Variants in ATP8B1 observed in about 807,000 individuals in gnomAD.
The protein encoded by ATP8B1 is ATPase phospholipid transporting 8B1.
In ATP8B1, 80 loss-of-function variants were observed where a neutral mutation model predicts 149.9. The ratio of observed to expected loss-of-function variants is 0.53; its 90% confidence interval spans 0.45 to 0.64. The LOEUF (loss-of-function observed/expected upper bound fraction) is 0.64. ATP8B1 is among the 30% of genes least tolerant of loss of function. The probability of loss-of-function intolerance (pLI) is 0.00; values close to 1 mark genes in which losing one functional copy is unlikely to be tolerated. For synonymous variants in ATP8B1, 536 were observed against 562.8 expected (o/e 0.95, Z 0.67); for missense variants, 1,247 against 1,552.6 (o/e 0.80, Z 3.31).
At chr18:57,719,372 C>T (rs2079614962) in intron 2 of ATP8B1, among the ~76,000 whole-genome samples, 2 of 152,194 alleles carry the variant, frequency 1.3e-5, no homozygotes, top group South Asian at 4.1e-4. Context: ...CTAGGGAGTG[C>T]CAGACAGTGG....
chr18:57,668,295 GA>G, intron 19 of ATP8B1, 133 bp downstream of exon 19: 1 of 1,329,128 alleles, frequency 7.5e-7, no homozygotes, highest in Non-Finnish European at 1.0e-6. Context: ...GGGTTTCTCA[GA>G]AAAAGCATCT....
intron 19 of ATP8B1, 165 bp downstream of exon 19, chr18:57,668,264 A>T: frequency 7.5e-7 from 1 of 1,334,452 alleles, no homozygotes; most frequent in Non-Finnish European, 1.0e-6. Context: ...ATGCAGAAGA[A>T]TGTGCTGGAA....
chr18:57,727,051 G>T (rs2079715958), intron 2 of ATP8B1, among the ~76,000 whole-genome samples: 1 of 152,188 alleles, frequency 6.6e-6, no homozygotes, highest in African/African-American at 2.4e-5. Context: ...CTTCACTCCA[G>T]CCTGGGCAAC....
chr18:57,696,435 G>A (rs969088563), intron 8 of ATP8B1, among the ~76,000 whole-genome samples: 7 of 152,026 alleles, frequency 4.6e-5, no homozygotes, highest in African/African-American at 1.7e-4. Context: ...TAAAGAGAAT[G>A]CAGTGTCTTT....
At chr18:57,661,676 T>TATATACACACAC (rs1555688751) in intron 21 of ATP8B1, among the ~76,000 whole-genome samples, 16 of 104,612 alleles carry the variant, frequency 1.5e-4, no homozygotes, top group Admixed American at 2.4e-4. Context: ...TGTATGTATA[T>TATATACACACAC]ACACACACAC....
chr18:57,751,483 T>C (rs917643497), intron 1 of ATP8B1, among the ~76,000 whole-genome samples: 1 of 151,336 alleles, frequency 6.6e-6, no homozygotes, highest in Non-Finnish European at 1.5e-5. Context: ...TTTATTTTGC[T>C]GTCTGGACCA....
intron 1 of ATP8B1, among the ~76,000 whole-genome samples, chr18:57,744,772 T>C (rs912740316): frequency 1.3e-5 from 2 of 152,230 alleles, no homozygotes; most frequent in African/African-American, 2.4e-5. Flanking sequence ...TTAATTTTAA[T>C]GTTAGAAGAG....
At chr18:57,734,374 G>C (rs367748810) in intron 1 of ATP8B1, among the ~76,000 whole-genome samples, 10 of 152,218 alleles carry the variant, frequency 6.6e-5, no homozygotes, top group South Asian at 4.2e-4. Context: ...ATTTTTAGTA[G>C]AGATGGGGTT....
intron 1 of ATP8B1, among the ~76,000 whole-genome samples, chr18:57,778,777 A>G (rs1449276382): frequency 6.6e-6 from 1 of 152,086 alleles, no homozygotes; most frequent in Non-Finnish European, 1.5e-5. Flanking sequence ...AGTAAGTGAG[A>G]GCATGAGAGA....
rs1490202068 is a variant in ATP8B1 at position 57,802,593 on chromosome 18, G to A, written c.-26+405C>T. Among the ~76,000 whole-genome samples, 1 of 152,238 alleles carries A rather than the reference G, an allele frequency of 6.6e-6. No individual in the cohort carries two copies. Among genetic ancestry groups the A allele is most frequent in the African/African-American group, 2.4e-5 (1 of 41,472 alleles). ...CGCCCCAGCAGGACCCGGTCACCGG[G>A]GTCTTCCAGAGGGGCGGTAGCCACC... On this transcript the variant is annotated intron_variant, in intron 1 of 27. Coordinates refer to ENST00000648908, the MANE Select transcript of ATP8B1 (RefSeq NM_001374385.1). The surrounding 1 kb of genome is among the most constrained non-coding windows in gnomAD (Gnocchi z 4.9).
intron 1 of ATP8B1, among the ~76,000 whole-genome samples, chr18:57,766,843 G>C (rs73959349): frequency 0.021 from 3,141 of 152,264 alleles, 111 homozygotes; most frequent in African/African-American, 0.071. Flanking sequence ...CCTGTCCTAG[G>C]AGAGGTCAAG....
In ATP8B1 at chr18:57,661,297, C is replaced by T. The variant is rs774396862; in HGVS notation, c.2584G>A (p.Ala862Thr). Residue 862 changes from alanine (A) to threonine (T), a missense_variant, in exon 22 of 28, where the codon GCA becomes ACA. This residue lies in a region of ATP8B1 where 230 missense variants were observed against 356.6 expected (regional missense o/e 0.65). Transcript: ENST00000648908. ...NFVDLACECSAVICCRVTPKQ... is the reference protein window; with the variant it reads ...NFVDLACECSTVICCRVTPKQ... ...GGGGTGACGCGGCAGCAGATGACTG[C>T]GCTGCACTCGCAGGCCAGGTCCACA... The T allele has an allele frequency of 2.0e-5, 33 of 1,613,848 alleles. No individual in the cohort carries two copies. Among genetic ancestry groups the T allele is most frequent in the Middle Eastern group, 3.3e-4 (2 of 6,084 alleles).
Position 57,782,066 on chromosome 18 carries a change from T to C in ATP8B1, c.-26+20932A>G, listed in dbSNP as rs536743553. On this transcript the variant is annotated intron_variant, in intron 1 of 27. Transcript: ENST00000648908. ...ATATGCTCAGGTTGCAGTGGGAGCT[T>C]GGCAAAACCATACCTAACCCAGCCT... Among the ~76,000 whole-genome samples, 8 of 152,356 alleles carry C rather than the reference T, an allele frequency of 5.3e-5. No individual in the cohort carries two copies. The South Asian group carries it at 1.7e-3, about 32-fold the overall frequency.
intron 1 of ATP8B1, chr18:57,735,691 T>TTTAAATA (rs2079843988): frequency 2.6e-5 from 4 of 152,262 alleles, no homozygotes; most frequent in African/African-American, 9.6e-5. Context: ...TGGTTTATAC[T>TTTAAATA]ATTTTAAAAT....
chr18:57,797,032 GA>G (rs1054583942), intron 1 of ATP8B1, among the ~76,000 whole-genome samples: 1 of 152,116 alleles, frequency 6.6e-6, no homozygotes, highest in Admixed American at 6.5e-5. Flanking sequence ...TAAGTTCCAG[GA>G]AGAGAAAATA....
chr18:57,763,636 A>T (rs1358063930), intron 1 of ATP8B1, among the ~76,000 whole-genome samples: 3 of 151,870 alleles, frequency 2.0e-5, no homozygotes, highest in Non-Finnish European at 4.4e-5. Context: ...TTAATTGACC[A>T]AGTAAGTAAA....
chr18:57,720,762 C>G (rs2079636613), intron 2 of ATP8B1, among the ~76,000 whole-genome samples: 1 of 145,436 alleles, frequency 6.9e-6, no homozygotes, highest in Non-Finnish European at 1.5e-5. Context: ...AAAGATACTC[C>G]TCGAGAAGAG....
chr18:57,765,669 A>T (rs1208994611), intron 1 of ATP8B1, among the ~76,000 whole-genome samples: 9 of 146,926 alleles, frequency 6.1e-5, no homozygotes, highest in Non-Finnish European at 1.2e-4. Flanking sequence ...ACTCTGTCTC[A>T]AAAGAAAAAA....
chr18:57,692,190 T>C (rs566412370), intron 11 of ATP8B1, among the ~76,000 whole-genome samples, 193 bp from the exon 12 acceptor site: 72 of 152,324 alleles, frequency 4.7e-4, no homozygotes, highest in African/African-American at 1.7e-3. Context: ...AATTGACTGA[T>C]GTATCCTACA....
Sources: allele counts gnomAD v4.1 joint callset (sites outside exome capture counted in the v4.1 genomes callset), GRCh38; gene constraint gnomAD v4.1.1; regional missense constraint gnomAD v4.1.1; non-coding constraint Gnocchi (gnomAD v3.1); transcripts MANE v1.5; gene names NCBI Gene and HGNC (gene_info 2026-07-23, HGNC 2026-07-21).